The following RYR2 variants were observed in gnomAD, a reference collection of about 807,000 sequenced individuals.
RYR2 encodes the protein ryanodine receptor 2.
RYR2 carries 227 observed loss-of-function variants against 601.1 expected under a neutral mutation model. The ratio of observed to expected loss-of-function variants is 0.38; its 90% CI spans 0.34 to 0.42. RYR2 has a LOEUF of 0.42. Ranked by LOEUF, RYR2 falls within the 10% of genes least tolerant of loss-of-function variation. RYR2 has a pLI of 1.00. For missense variants in RYR2, 4,646 were observed against 6,156.5 expected (o/e 0.75, Z 8.21); for synonymous variants, 2,223 against 2,175.1 (o/e 1.02, Z -0.61).
At chr1:237,508,457 AT>A (rs1290511987) in intron 23 of RYR2, among the ~76,000 whole-genome samples, 3 of 129,484 alleles carry the variant, frequency 2.3e-5, no homozygotes, top group African/African-American at 7.5e-5. Flanking sequence ...AAAAGTTCCC[AT>A]TAAAAAAAAA....
chr1:237,755,071 T>A, intron 80 of RYR2: 1 of 1,288,970 alleles, frequency 7.8e-7, no homozygotes, highest in Non-Finnish European at 1.0e-6. Context: ...CACGATATTA[T>A]CAAAGATTTA....
intron 1 of RYR2, among the ~76,000 whole-genome samples, chr1:237,127,555 C>T (rs562152493): frequency 0.011 from 1,627 of 147,218 alleles, 14 homozygotes; most frequent in South Asian, 0.033. Flanking sequence ...GCTGGCCTGG[C>T]GGGGGGCTGA....
At chr1:237,346,553 C>G (rs777214119) in intron 3 of RYR2, among the ~76,000 whole-genome samples, 9 of 152,048 alleles carry the variant, frequency 5.9e-5, no homozygotes, top group Non-Finnish European at 1.2e-4. Flanking sequence ...AATTTCTAAA[C>G]CCTTTCCTTG....
rs562776685 is a variant in RYR2 at position 237,229,960 on chromosome 1, A to G, written c.49-40537A>G. Among the ~76,000 whole-genome samples, 27 of 152,216 alleles carry G rather than the reference A, an allele frequency of 1.8e-4. No individual in the cohort carries two copies. In the South Asian group the frequency reaches 5.6e-3, roughly 32 times the overall value. On this transcript the variant is annotated intron_variant, in intron 1 of 104. Coordinates refer to ENST00000366574, the MANE Select transcript of RYR2 (RefSeq NM_001035.3). ...GTGTGCTCATATATAACGTTAGGCTAAGAAGATAGCCCCCCCTTTTTTTAT... is the reference window on the plus strand; with the variant it reads ...GTGTGCTCATATATAACGTTAGGCTGAGAAGATAGCCCCCCCTTTTTTTAT...
At chr1:237,639,367 C>CT (rs2148729838) in intron 46 of RYR2, among the ~76,000 whole-genome samples, 166 bp downstream of exon 46, 1 of 152,218 alleles carries the variant, frequency 6.6e-6, no homozygotes, top group Admixed American at 6.5e-5. Flanking sequence ...GAATTTGGTG[C>CT]TGGAATAGGT....
chr1:237,472,797 A>G (rs10802613), intron 17 of RYR2, among the ~76,000 whole-genome samples: 70,052 of 151,902 alleles, frequency 0.46, 17,972 homozygotes, highest in East Asian at 0.71. Context: ...CTGTAGAAAT[A>G]TGTACACCGC....
intron 12 of RYR2, among the ~76,000 whole-genome samples, chr1:237,430,289 A>G (rs1706673074): frequency 6.6e-6 from 1 of 151,542 alleles, no homozygotes; most frequent in Admixed American, 6.6e-5. Flanking sequence ...ATTGATCTGG[A>G]AAAATATCCA....
chr1:237,556,443 T>A (rs1292596588), intron 27 of RYR2, among the ~76,000 whole-genome samples: 1 of 150,116 alleles, frequency 6.7e-6, no homozygotes, highest in African/African-American at 2.4e-5. Context: ...TGGGACTACA[T>A]GCGCCTGCCA....
In RYR2 at chr1:237,377,327, G is replaced by A. The variant is rs763840882; in HGVS notation, c.468G>A (p.Glu156=). 8.1e-6 allele frequency: 13 copies of A among 1,610,020 alleles called. No homozygotes were observed. The highest frequency in any genetic ancestry group is 5.0e-5 in the Admixed American group (3 of 59,614). Residue 156 remains glutamate, a synonymous_variant, in exon 8 of 105, where the codon GAG becomes GAA. Transcript: ENST00000366574. ...DVGLQEDTTG[E]ACWWTIHPAS... ...CACATATCCGTATATCTGCAGGGGA[G>A]GCTTGTTGGTGGACCATACACCCTG...
At chr1:237,821,020 C>A (rs948344372) in intron 101 of RYR2, among the ~76,000 whole-genome samples, 2 of 152,172 alleles carry the variant, frequency 1.3e-5, no homozygotes. Context: ...AGGCAGCAAT[C>A]CTAGTTATTT....
At chr1:237,492,346 A>G (rs1227371803) in intron 18 of RYR2, among the ~76,000 whole-genome samples, 1 of 152,184 alleles carries the variant, frequency 6.6e-6, no homozygotes, top group Non-Finnish European at 1.5e-5. Context: ...TCTCTTAATC[A>G]TGATCAAGTA....
chr1:237,771,582 A>G (rs1227282434), intron 85 of RYR2, among the ~76,000 whole-genome samples: 4 of 152,184 alleles, frequency 2.6e-5, no homozygotes, highest in African/African-American at 4.8e-5. Flanking sequence ...CTAACTCTCT[A>G]CTAGGCTTGT....
intron 12 of RYR2, among the ~76,000 whole-genome samples, chr1:237,428,290 A>G (rs1443616287): frequency 6.6e-6 from 1 of 152,204 alleles, no homozygotes; most frequent in Non-Finnish European, 1.5e-5. Flanking sequence ...TATTATAAAG[A>G]TATACATATA....
At chr1:237,424,353 G>A (rs920071367) in intron 12 of RYR2, among the ~76,000 whole-genome samples, 5 of 152,136 alleles carry the variant, frequency 3.3e-5, no homozygotes, top group Non-Finnish European at 7.4e-5. Context: ...TCTAGGTATA[G>A]GCATCTTCAC....
chr1:237,479,248 A>G (rs1454641509), intron 17 of RYR2, among the ~76,000 whole-genome samples: 1 of 152,212 alleles, frequency 6.6e-6, no homozygotes, highest in Non-Finnish European at 1.5e-5. Flanking sequence ...CACCCTACAC[A>G]TACTGATATA....
intron 48 of RYR2, among the ~76,000 whole-genome samples, chr1:237,645,868 C>CT (rs1001580851): frequency 1.5e-3 from 207 of 136,412 alleles, no homozygotes; most frequent in Middle Eastern, 3.8e-3. Flanking sequence ...TAGATCTCTG[C>CT]TTTTTTTTTT....
chr1:237,129,629 A>T (rs1244185608), intron 1 of RYR2, among the ~76,000 whole-genome samples: 3 of 151,146 alleles, frequency 2.0e-5, no homozygotes, highest in Non-Finnish European at 4.4e-5. Context: ...TGAGATATAT[A>T]TATGTGTGTA....
chr1:237,126,766 AT>A (rs897342867), intron 1 of RYR2, among the ~76,000 whole-genome samples: 19 of 151,516 alleles, frequency 1.3e-4, no homozygotes, highest in African/African-American at 2.2e-4. Flanking sequence ...TTTTTATTTT[AT>A]TTTTTTTATT....
chr1:237,388,615 G>A (rs1702129387), intron 10 of RYR2, among the ~76,000 whole-genome samples: 1 of 152,134 alleles, frequency 6.6e-6, no homozygotes, highest in African/African-American at 2.4e-5. Context: ...TATTGATACA[G>A]ATGATAGAAT....
Sources: allele counts gnomAD v4.1 joint callset (sites outside exome capture counted in the v4.1 genomes callset), GRCh38; gene constraint gnomAD v4.1.1; transcripts MANE v1.5; gene names NCBI Gene and HGNC (gene_info 2026-07-23, HGNC 2026-07-21).